Variants in LUC7L2 observed in about 807,000 individuals in gnomAD.
The protein encoded by LUC7L2 is putative RNA-binding protein Luc7-like 2.
Under a neutral mutation model 52.8 loss-of-function variants are expected in LUC7L2, and 25 were observed. The observed-to-expected ratio is 0.47, with a 90% confidence interval of 0.34 to 0.66. The LOEUF is 0.66. LUC7L2 is among the 30% of genes least tolerant of loss of function. The pLI, the probability that LUC7L2 is intolerant of heterozygous loss-of-function variation, is 0.01. For synonymous variants in LUC7L2, 144 were observed against 160.9 expected, an observed-to-expected ratio of 0.89 and a Z score of 0.80; for missense variants, 328 against 497.8, an observed-to-expected ratio of 0.66 and a Z score of 3.25.
chr7:139,400,307 A>G (rs895330705), intron 3 of LUC7L2, among the ~76,000 whole-genome samples: 5 of 152,064 alleles, frequency 3.3e-5, no homozygotes, highest in Admixed American at 2.6e-4. Context: ...TCAGTAGTTC[A>G]AGACCAGCCT....
At chr7:139,374,712 C>T in intron 1 of LUC7L2, 1 of 1,312,546 alleles carries the variant, frequency 7.6e-7, no homozygotes, top group Non-Finnish European at 9.7e-7. Context: ...TTTTATATAC[C>T]CTGGTTGCAA....
chr7:139,340,692 T>G (rs372616311), intron 1 of LUC7L2: 1 of 392,666 alleles, frequency 2.5e-6, no homozygotes, highest in Non-Finnish European at 4.5e-6. Flanking sequence ...AGCGCGTCGT[T>G]TGCAGAAGCC....
intron 2 of LUC7L2, among the ~76,000 whole-genome samples, chr7:139,387,398 T>C (rs1794250180): frequency 6.6e-6 from 1 of 152,148 alleles, no homozygotes; most frequent in South Asian, 2.1e-4. Flanking sequence ...TTTTACCATG[T>C]TGGCCAGGCT....
Position 139,383,064 on chromosome 7 carries a change from T to A in LUC7L2, c.156+6908T>A, listed in dbSNP as rs1585097433. Reference sequence around the variant, plus strand: ...CCTCACCCTTCCAAGTAGGTGGGATTACAGGCGCATGCCACCATGCCTGGC... The same window carrying A: ...CCTCACCCTTCCAAGTAGGTGGGATAACAGGCGCATGCCACCATGCCTGGC... On this transcript the variant is annotated intron_variant, in intron 2 of 9. Transcript: ENST00000354926. Among the ~76,000 whole-genome samples, 3 of 152,290 alleles carry A rather than the reference T, an allele frequency of 2.0e-5. No individual in the cohort carries two copies. In the South Asian group the frequency reaches 6.2e-4, roughly 32 times the overall value.
At chr7:139,409,444 A>AT in intron 6 of LUC7L2, 119 bp from the exon 7 acceptor site, 1 of 1,223,986 alleles carries the variant, frequency 8.2e-7, no homozygotes. Context: ...AAATTGAATT[A>AT]TTAAACAGAT....
At chr7:139,341,663 A>C in intron 1 of LUC7L2, 19 of 1,331,864 alleles carry the variant, frequency 1.4e-5, no homozygotes, top group East Asian at 6.1e-5. Context: ...GACCAAACCA[A>C]CCCAGGCCCT....
chr7:139,394,533 T>C (rs924337737), intron 2 of LUC7L2, among the ~76,000 whole-genome samples: 2 of 152,224 alleles, frequency 1.3e-5, no homozygotes, highest in Admixed American at 6.5e-5. Flanking sequence ...GAGCCTAGAA[T>C]TATTGCAATA....
rs368249579 is a variant in LUC7L2, at chr7:139,409,618, AAGAGAG to A, written c.753_758del (p.Arg252_Glu253del). On this transcript the variant is annotated inframe_deletion, in exon 7 of 10. Coordinates refer to ENST00000354926, the MANE Select transcript of LUC7L2 (RefSeq NM_016019.5). ...AACCAGGAACGGCTGAAACGAAGAG[AAGAGAG>A]AGAGAGAGAAGAAAGGGAGAAGCTG... is the stretch of plus-strand genomic sequence containing the variant. The A allele has an allele frequency of 1.6e-5, 26 of 1,595,844 alleles. No individual in the cohort carries two copies. Among genetic ancestry groups the A allele is most frequent in the Non-Finnish European group, 2.0e-5 (23 of 1,167,688 alleles).
At chr7:139,389,469 C>T (rs1388346369) in intron 2 of LUC7L2, among the ~76,000 whole-genome samples, 1 of 151,964 alleles carries the variant, frequency 6.6e-6, no homozygotes, top group African/African-American at 2.4e-5. Flanking sequence ...ATAGGAAATA[C>T]TGTATTCTCC....
At chr7:139,412,460 AACATT>A in intron 7 of LUC7L2, 86 bp from the exon 8 acceptor site, 2 of 1,455,988 alleles carry the variant, frequency 1.4e-6, no homozygotes, top group Middle Eastern at 2.0e-4. Context: ...AATTAATGTA[AACATT>A]AGAAATCAGG....
chr7:139,411,024 C>T (rs1795336785), intron 7 of LUC7L2, among the ~76,000 whole-genome samples: 1 of 152,052 alleles, frequency 6.6e-6, no homozygotes, highest in African/African-American at 2.4e-5. Flanking sequence ...TATAGTAAGT[C>T]CTTATGGGAA....
chr7:139,384,842 A>T (rs926556526), intron 2 of LUC7L2, among the ~76,000 whole-genome samples: 16 of 152,062 alleles, frequency 1.1e-4, no homozygotes, highest in African/African-American at 3.9e-4. Flanking sequence ...TACAGCCTTG[A>T]ACTCCTGGGC....
chr7:139,388,862 T>C (rs1040665858), intron 2 of LUC7L2, among the ~76,000 whole-genome samples: 3 of 152,026 alleles, frequency 2.0e-5, no homozygotes, highest in Admixed American at 1.3e-4. Flanking sequence ...AGCTAATACC[T>C]GTAGGTTGAA....
intron 1 of LUC7L2, chr7:139,374,351 GT>G: frequency 7.2e-7 from 1 of 1,395,642 alleles, no homozygotes; most frequent in Non-Finnish European, 9.9e-7. Flanking sequence ...TGCTGGCAGA[GT>G]TTATTCTATA....
At chr7:139,402,102 TTC>T in intron 3 of LUC7L2, 33 bp from the exon 4 acceptor site, 2 of 1,543,792 alleles carry the variant, frequency 1.3e-6, no homozygotes, top group Non-Finnish European at 8.7e-7. Flanking sequence ...AAAATTGACT[TTC>T]TGACAGTAAT....
At chr7:139,343,437 C>A (rs1184085672) in intron 1 of LUC7L2, among the ~76,000 whole-genome samples, 6 of 152,104 alleles carry the variant, frequency 3.9e-5, no homozygotes, top group Non-Finnish European at 5.9e-5. Context: ...ATTATCCAGG[C>A]GTGATGGCCC....
chr7:139,359,685 T>G, upstream of LUC7L2: 1 of 397,896 alleles, frequency 2.5e-6, no homozygotes, highest in East Asian at 3.6e-5. Context: ...AATGTAAGGT[T>G]TGGCGCCTCG....
intron 1 of LUC7L2, 105 bp downstream of exon 1, chr7:139,360,427 C>T (rs1376813911): frequency 3.8e-6 from 4 of 1,055,244 alleles, no homozygotes; most frequent in Admixed American, 2.4e-5. Context: ...GAGTAAGGGG[C>T]TCCCAGATTG....
chr7:139,419,932 A>G (rs139720613), intron 9 of LUC7L2, among the ~76,000 whole-genome samples: 1 of 152,326 alleles, frequency 6.6e-6, no homozygotes, highest in East Asian at 1.9e-4. Context: ...CCTACTTGGT[A>G]TTTCATACAA....
Sources: gnomAD v4.1 joint callset for allele counts (sites outside exome capture counted in the v4.1 genomes callset) on GRCh38, gnomAD v4.1.1 for gene constraint, MANE v1.5 for transcripts, NCBI Gene and HGNC (gene_info 2026-07-23, HGNC 2026-07-21) for gene names.